The following MSRA variants were observed in gnomAD, a reference collection of about 807,000 sequenced individuals.
MSRA encodes methionine sulfoxide reductase A.
A neutral mutation model predicts 31.3 loss-of-function variants in MSRA; 54 were observed. The ratio of observed to expected loss-of-function variants is 1.73; its 90% CI spans 1.39 to 2.17. The LOEUF is 2.17. Ranked by LOEUF, MSRA falls within the 30% of genes most tolerant of loss-of-function variation. The probability of loss-of-function intolerance (pLI) is 0.00; values close to 1 mark genes in which losing one functional copy is unlikely to be tolerated. For synonymous variants in MSRA, 169 were observed against 116.5 expected (o/e 1.45, Z -2.90); for missense variants, 507 against 300.9 (o/e 1.69, Z -5.07).
At chr8:10,377,797 C>T (rs1347861410) in intron 5 of MSRA, among the ~76,000 whole-genome samples, 2 of 152,202 alleles carry the variant, frequency 1.3e-5, no homozygotes, top group African/African-American at 4.8e-5. Context: ...GGGTTGTGAA[C>T]AGCCACGTGC....
At position 10,323,089 on chromosome 8, in the gene MSRA, C is replaced by CAAAAAAA. The variant is rs34539032; in HGVS notation, c.543+3113_543+3119dup. Among the ~76,000 whole-genome samples the CAAAAAAA allele has an allele frequency of 1.8e-5, 2 of 112,298 alleles. 1 individual carries two copies. The allele number at this position is 112,298 out of a possible 152,430, so 73.7% of individuals were successfully genotyped here. ...TGGGCAACAGAGTGAGACTCCATCT[C>CAAAAAAA]AAAAAAAAAAAAAAAAAAATGCAGA... is the stretch of plus-strand genomic sequence containing the variant. On this transcript the variant is annotated intron_variant, in intron 5 of 5. Coordinates refer to ENST00000317173, the MANE Select transcript of MSRA (RefSeq NM_012331.5).
At chr8:10,186,795 C>T (rs983670373) in intron 1 of MSRA, among the ~76,000 whole-genome samples, 3 of 152,122 alleles carry the variant, frequency 2.0e-5, no homozygotes, top group South Asian at 2.1e-4. Flanking sequence ...TTAGTCCTGC[C>T]GTGCTGCTAT....
At chr8:10,306,874 C>G (rs1395617815) in intron 4 of MSRA, among the ~76,000 whole-genome samples, 1 of 152,206 alleles carries the variant, frequency 6.6e-6, no homozygotes, top group Non-Finnish European at 1.5e-5. Context: ...TTGCTGTCCT[C>G]AGTCCTGGAG....
chr8:10,360,484 A>G (rs1195091851), intron 5 of MSRA, among the ~76,000 whole-genome samples: 1 of 152,104 alleles, frequency 6.6e-6, no homozygotes, highest in Admixed American at 6.5e-5. Context: ...TTTTTCTGGG[A>G]GACATTGGAA....
At chr8:10,076,674 GC>G (rs898505751) in intron 1 of MSRA, among the ~76,000 whole-genome samples, 12 of 152,152 alleles carry the variant, frequency 7.9e-5, no homozygotes, top group African/African-American at 2.9e-4. Flanking sequence ...AAAGAGTCAA[GC>G]AGAGGCTGGG....
chr8:10,070,273 G>C (rs1797664889), intron 1 of MSRA, among the ~76,000 whole-genome samples: 1 of 152,168 alleles, frequency 6.6e-6, no homozygotes. Flanking sequence ...TTATGGTATT[G>C]TTAGTTCTGG....
intron 1 of MSRA, among the ~76,000 whole-genome samples, chr8:10,115,802 G>C (rs989955555): frequency 6.6e-6 from 1 of 152,152 alleles, no homozygotes; most frequent in Non-Finnish European, 1.5e-5. Flanking sequence ...GCATTAAGAA[G>C]AGTTAGAAGA....
At chr8:10,190,162 G>A (rs370758385) in intron 1 of MSRA, among the ~76,000 whole-genome samples, 1 of 152,132 alleles carries the variant, frequency 6.6e-6, no homozygotes, top group Non-Finnish European at 1.5e-5. Context: ...GGGGAGGGGG[G>A]TCATTGCTGG....
At chr8:10,214,822 A>G (rs2129063555) in intron 2 of MSRA, among the ~76,000 whole-genome samples, 1 of 152,304 alleles carries the variant, frequency 6.6e-6, no homozygotes, top group South Asian at 2.1e-4. Flanking sequence ...ATAGTTTAAG[A>G]TGCATTTTAT....
In MSRA at chr8:10,242,545, T is replaced by A. The variant is rs183349205; in HGVS notation, c.212-2559T>A. Among the ~76,000 whole-genome samples, 40 of 152,310 alleles carry A rather than the reference T, an allele frequency of 2.6e-4. No individual in the cohort carries two copies. The East Asian group carries it at 6.6e-3, about 25-fold the overall frequency. On this transcript the variant is annotated intron_variant, in intron 2 of 5. Transcript: ENST00000317173. ...CCTAATAACAGTGCATTGAAATATATGTTTGTTTTGTGTGGTTTTTTTGCA... is the reference window on the plus strand; with the variant it reads ...CCTAATAACAGTGCATTGAAATATAAGTTTGTTTTGTGTGGTTTTTTTGCA...
At chr8:10,243,572 T>G (rs1797452511) in intron 2 of MSRA, among the ~76,000 whole-genome samples, 1 of 152,216 alleles carries the variant, frequency 6.6e-6, no homozygotes, top group African/African-American at 2.4e-5. Context: ...GTTATTTCTT[T>G]GAATATTTTG....
chr8:10,351,795 G>A (rs1307987951), intron 5 of MSRA, among the ~76,000 whole-genome samples: 4 of 152,176 alleles, frequency 2.6e-5, no homozygotes, highest in African/African-American at 7.2e-5. Flanking sequence ...GGGGATCTTG[G>A]TAAAATGCAG....
chr8:10,204,332 C>T (rs1363717426), intron 1 of MSRA, among the ~76,000 whole-genome samples: 1 of 152,236 alleles, frequency 6.6e-6, no homozygotes, highest in South Asian at 2.1e-4. Context: ...CCTAGGCCTT[C>T]ACACCCACTC....
At position 10,119,777 on chromosome 8, in the gene MSRA, ATC is replaced by A. The variant is rs1563117889; in HGVS notation, c.142+65125_142+65126del. On this transcript the variant is annotated intron_variant, in intron 1 of 5. Coordinates refer to ENST00000317173, the MANE Select transcript of MSRA (RefSeq NM_012331.5). Reference sequence around the variant, plus strand: ...GAGTACTGAGAACAATGCTGGGGTTATCTCTCTGGTGTACAAAGGGACTACCT... The same window carrying A: ...GAGTACTGAGAACAATGCTGGGGTTATCTCTGGTGTACAAAGGGACTACCT... 2.0e-5 allele frequency among the ~76,000 whole-genome samples: 3 copies of A among 152,148 alleles called. No homozygotes were observed. In the East Asian group the frequency reaches 5.8e-4, roughly 29 times the overall value.
intron 1 of MSRA, among the ~76,000 whole-genome samples, chr8:10,143,596 C>G (rs1449920689): frequency 2.0e-5 from 3 of 152,172 alleles, no homozygotes; most frequent in African/African-American, 4.8e-5. Flanking sequence ...CGCTCCCTGT[C>G]ATTTTCCCCG....
At chr8:10,367,750 G>C (rs1805250532) in intron 5 of MSRA, among the ~76,000 whole-genome samples, 1 of 152,234 alleles carries the variant, frequency 6.6e-6, no homozygotes, top group Non-Finnish European at 1.5e-5. Context: ...GACCCCACTG[G>C]TGTGTTGTGC....
chr8:10,099,248 C>G (rs1452569714), intron 1 of MSRA, among the ~76,000 whole-genome samples: 1 of 152,156 alleles, frequency 6.6e-6, no homozygotes, highest in African/African-American at 2.4e-5. Flanking sequence ...TACTTGTAGG[C>G]TGCTTTGGTG....
intron 1 of MSRA, among the ~76,000 whole-genome samples, chr8:10,083,671 T>G (rs1798403636): frequency 6.6e-6 from 1 of 152,206 alleles, no homozygotes; most frequent in Non-Finnish European, 1.5e-5. Context: ...AGAGGAAATT[T>G]TATTCAAAGA....
chr8:10,351,417 C>G (rs1804140896), intron 5 of MSRA, among the ~76,000 whole-genome samples: 1 of 151,998 alleles, frequency 6.6e-6, no homozygotes, highest in Admixed American at 6.6e-5. Flanking sequence ...CCACGCCTAG[C>G]TAATTTTTGT....
Sources: gnomAD v4.1 joint callset for allele counts (sites outside exome capture counted in the v4.1 genomes callset) on GRCh38, gnomAD v4.1.1 for gene constraint, MANE v1.5 for transcripts, NCBI Gene and HGNC (gene_info 2026-07-23, HGNC 2026-07-21) for gene names.